The following SLC4A4 variants were observed in gnomAD, a reference collection of about 807,000 sequenced individuals.
SLC4A4 encodes solute carrier family 4 member 4, also known as electrogenic sodium bicarbonate cotransporter 1.
A neutral mutation model predicts 111.5 loss-of-function variants in SLC4A4; 27 were observed. The observed-to-expected ratio is 0.24, with a 90% confidence interval of 0.18 to 0.33. The LOEUF (loss-of-function observed/expected upper bound fraction) is 0.33. Among genes scored for constraint, SLC4A4 ranks in the 10% least tolerant of loss-of-function variants. The pLI, the probability that SLC4A4 is intolerant of heterozygous loss-of-function variation, is 1.00. For synonymous variants in SLC4A4, 443 were observed against 463.4 expected (o/e 0.96, Z 0.57); for missense variants, 909 against 1,315.5 (o/e 0.69, Z 4.78).
At chr4:71,459,347 C>T (rs760273307) in intron 12 of SLC4A4, among the ~76,000 whole-genome samples, 14 of 151,824 alleles carry the variant, frequency 9.2e-5, no homozygotes, top group Non-Finnish European at 1.3e-4. Flanking sequence ...AAAAAAATTA[C>T]GTAGAAGGTA....
At chr4:71,466,761 C>A (rs1727352365) in intron 13 of SLC4A4, among the ~76,000 whole-genome samples, 184 bp downstream of exon 13, 1 of 151,916 alleles carries the variant, frequency 6.6e-6, no homozygotes, top group Non-Finnish European at 1.5e-5. Context: ...AGATGTGATT[C>A]GACTGAGGCT....
intron 7 of SLC4A4, among the ~76,000 whole-genome samples, chr4:71,438,662 A>G (rs1193732264): frequency 4.6e-5 from 7 of 152,222 alleles, no homozygotes; most frequent in Admixed American, 4.6e-4. Flanking sequence ...AGTAATGTTT[A>G]GATAATCTCA....
chr4:71,261,244 C>CT (rs1195200781), intron 3 of SLC4A4, among the ~76,000 whole-genome samples: 3 of 152,164 alleles, frequency 2.0e-5, no homozygotes, highest in South Asian at 2.1e-4. Context: ...TTGTGCTGCT[C>CT]TTTTTTGTGG....
rs1174219701 is a variant in SLC4A4, at chr4:71,421,536, T to C, written c.808-19080T>C. On this transcript the variant is annotated intron_variant, in intron 7 of 25. Coordinates refer to ENST00000264485, the MANE Select transcript of SLC4A4 (RefSeq NM_001098484.3). ...ACCCCAAATCAACAGAATATACATT[T>C]TTTTCAGCACCACACCACACCTATT... is the stretch of plus-strand genomic sequence containing the variant. Among the ~76,000 whole-genome samples, 13 of 152,242 alleles carry C rather than the reference T, an allele frequency of 8.5e-5. No homozygotes were observed. The South Asian group carries it at 1.5e-3, about 17-fold the overall frequency.
intron 2 of SLC4A4, among the ~76,000 whole-genome samples, chr4:71,096,889 G>A (rs781527072): frequency 1.3e-5 from 2 of 152,104 alleles, no homozygotes; most frequent in South Asian, 2.1e-4. Context: ...CTGTCTCTGC[G>A]AACATAATCA....
chr4:71,146,872 A>C (rs112895803), intron 2 of SLC4A4, among the ~76,000 whole-genome samples: 2,636 of 149,590 alleles, frequency 0.018, 83 homozygotes, highest in African/African-American at 0.061. Flanking sequence ...TGACAGGATC[A>C]AATTCACACA....
chr4:71,313,344 C>A (rs1441089190), intron 3 of SLC4A4, among the ~76,000 whole-genome samples: 1 of 152,142 alleles, frequency 6.6e-6, no homozygotes, highest in African/African-American at 2.4e-5. Flanking sequence ...TGAAAATGGC[C>A]ATATGGCCCA....
At chr4:71,216,001 C>T (rs1284330774) in intron 1 of SLC4A4, among the ~76,000 whole-genome samples, 10 of 151,684 alleles carry the variant, frequency 6.6e-5, no homozygotes, top group East Asian at 3.9e-4. Context: ...GCCCCCACCC[C>T]GGATTCAAGC....
intron 1 of SLC4A4, among the ~76,000 whole-genome samples, chr4:71,207,565 C>T (rs1717844638): frequency 6.6e-6 from 1 of 152,262 alleles, no homozygotes; most frequent in Admixed American, 6.5e-5. Context: ...CTATGAAATA[C>T]ACTTTAAAAT....
At chr4:71,438,287 A>G (rs1724355422) in intron 7 of SLC4A4, among the ~76,000 whole-genome samples, 1 of 152,190 alleles carries the variant, frequency 6.6e-6, no homozygotes, top group South Asian at 2.1e-4. Context: ...ACTAAGTACG[A>G]TAGATGCAAA....
chr4:71,516,445 T>C (rs965824600), intron 16 of SLC4A4, among the ~76,000 whole-genome samples: 13 of 152,170 alleles, frequency 8.5e-5, no homozygotes, highest in African/African-American at 3.1e-4. Context: ...CTTACTCTTT[T>C]GTGTGATTGC....
intron 14 of SLC4A4, among the ~76,000 whole-genome samples, chr4:71,478,338 G>C (rs189303871): frequency 6.6e-6 from 1 of 152,032 alleles, no homozygotes; most frequent in African/African-American, 2.4e-5. Context: ...ATTCACAATA[G>C]CAAAGACTTG....
At chr4:71,086,820 AG>A (rs1486775928) in intron 1 of SLC4A4, among the ~76,000 whole-genome samples, 4 of 152,060 alleles carry the variant, frequency 2.6e-5, no homozygotes. Flanking sequence ...TATTTTATTG[AG>A]GATTTTTGCA....
chr4:71,189,756 G>A (rs1047034785), intron 1 of SLC4A4, among the ~76,000 whole-genome samples: 1 of 152,222 alleles, frequency 6.6e-6, no homozygotes, highest in African/African-American at 2.4e-5. Context: ...GAGAGACTCT[G>A]CTGGACTTAA....
At chr4:71,387,331 C>G (rs117523379) in intron 6 of SLC4A4, among the ~76,000 whole-genome samples, 2 of 152,140 alleles carry the variant, frequency 1.3e-5, no homozygotes, top group East Asian at 3.9e-4. Flanking sequence ...CTATGCTGGT[C>G]TTCTATCTGT....
At chr4:71,443,084 C>CTA (rs1724880332) in intron 8 of SLC4A4, among the ~76,000 whole-genome samples, 1 of 29,620 alleles carries the variant, frequency 3.4e-5, no homozygotes, top group East Asian at 1.6e-3. Flanking sequence ...GAGGCCACTA[C>CTA]TCTCTCTCTC....
intron 3 of SLC4A4, among the ~76,000 whole-genome samples, chr4:71,277,615 C>T (rs893149348): frequency 3.1e-4 from 44 of 143,082 alleles, no homozygotes; most frequent in African/African-American, 1.1e-3. Context: ...TCCTTCCTTC[C>T]TTCCTTCCTT....
At chr4:71,132,506 T>A (rs1257557032) in intron 2 of SLC4A4, among the ~76,000 whole-genome samples, 1 of 152,216 alleles carries the variant, frequency 6.6e-6, no homozygotes, top group Non-Finnish European at 1.5e-5. Context: ...TCCTGGACAA[T>A]ACTTAATGCT....
intron 16 of SLC4A4, among the ~76,000 whole-genome samples, chr4:71,510,580 C>A (rs1316710321): frequency 6.6e-6 from 1 of 151,844 alleles, no homozygotes; most frequent in East Asian, 1.9e-4. Flanking sequence ...TGGTTGCATC[C>A]TTTCAGTTTT....
Sources: allele counts gnomAD v4.1 joint callset (sites outside exome capture counted in the v4.1 genomes callset), GRCh38; gene constraint gnomAD v4.1.1; transcripts MANE v1.5; gene names NCBI Gene and HGNC (gene_info 2026-07-23, HGNC 2026-07-21).